FLRT3: variants seen among roughly 807,000 people sequenced by gnomAD.
The protein encoded by FLRT3 is leucine-rich repeat transmembrane protein FLRT3.
Under a neutral mutation model 42.6 loss-of-function variants are expected in FLRT3, and 17 were observed. The observed-to-expected ratio is 0.40, with a 90% confidence interval of 0.27 to 0.60. The LOEUF (loss-of-function observed/expected upper bound fraction) is 0.60, where lower values mean the gene tolerates loss of function less well. Ranked by LOEUF, FLRT3 falls within the 20% of genes least tolerant of loss-of-function variation. The pLI is 0.44. For synonymous variants in FLRT3, 279 were observed against 286.4 expected, an observed-to-expected ratio of 0.97 and a Z score of 0.26; for missense variants, 635 against 789.2, an observed-to-expected ratio of 0.80 and a Z score of 2.34.
chr20:14,327,522 G>A lies in FLRT3; in HGVS notation c.-16C>T, dbSNP rs544515202. 4 of 1,597,160 alleles carry A rather than the reference G, an allele frequency of 2.5e-6. No homozygotes were observed. Among genetic ancestry groups the A allele is most frequent in the Non-Finnish European group, 3.4e-6 (4 of 1,171,670 alleles). On this transcript the variant is annotated 5_prime_UTR_variant, in exon 3 of 3. Coordinates refer to ENST00000341420, the MANE Select transcript of FLRT3 (RefSeq NM_198391.3). Reference sequence around the variant, plus strand: ...CGCTGATCATGGTCAGCAGTGTTGAGGTCTTTATACAAGGTAGCTTCCGTT... The same window carrying A: ...CGCTGATCATGGTCAGCAGTGTTGAAGTCTTTATACAAGGTAGCTTCCGTT...
At position 14,325,774 on chromosome 20, in the gene FLRT3, G is replaced by C. The variant is rs1335041268; in HGVS notation, c.1733C>G (p.Ala578Gly). Residue 578 changes from alanine (A) to glycine (G), a missense_variant, in exon 3 of 3, where the codon GCT (alanine) becomes GGT (glycine). Coordinates refer to ENST00000341420, the MANE Select transcript of FLRT3 (RefSeq NM_198391.3). ...GRRRKDDYAE[A>G]GTKKDNSILE... ...GATAGAGTTGTCCTTCTTAGTGCCA[G>C]CTTCTGCATAGTCATCCTTTCTTCT... 5.0e-6 allele frequency: 8 copies of C among 1,613,774 alleles called. No homozygotes were observed. The highest frequency in any genetic ancestry group is 6.8e-6 in the Non-Finnish European group (8 of 1,179,876).
Position 14,325,965 on chromosome 20 carries a change from A to G in FLRT3, c.1542T>C (p.Asn514=). 6.2e-7 allele frequency: 1 copy of G among 1,613,816 alleles called. No homozygotes were observed. Among genetic ancestry groups the G allele is most frequent in the Non-Finnish European group, 8.5e-7 (1 of 1,179,830 alleles). ...LRMYNPTTTL[N]REQEKEPYKN... ...TGTAAGGTTCTTTCTCTTGCTCTCG[A>G]TTGAGGGTGGTTGTAGGGTTGTACA... is the stretch of plus-strand genomic sequence containing the variant. The change falls in exon 3 of 3, where the codon AAT becomes AAC. Residue 514 remains asparagine (N), a synonymous_variant. Coordinates refer to ENST00000341420, the MANE Select transcript of FLRT3 (RefSeq NM_198391.3).
At position 14,325,639 on chromosome 20, in the gene FLRT3, T is replaced by C; in HGVS notation, c.1868A>G (p.Tyr623Cys). 4.3e-6 allele frequency: 7 copies of C among 1,613,782 alleles called. No individual in the cohort carries two copies. The highest frequency in any genetic ancestry group is 5.9e-6 in the Non-Finnish European group (7 of 1,179,752). ...TIFPPNGMNL[Y>C]KNNHSESSSN... ...ACTGCTTTCACTGTGATTGTTTTTG[T>C]ACAGATTCATTCCATTAGGAGGAAA... The change falls in exon 3 of 3, where the codon TAC (tyrosine) becomes TGC (cysteine). Residue 623 changes from tyrosine (Y) to cysteine (C), a missense_variant. Physicochemically the swap from Tyr to Cys is radical, Grantham distance 194. Transcript: ENST00000341420.
In FLRT3 at chr20:14,327,233, G is replaced by C. The variant is rs2082751050; in HGVS notation, c.274C>G (p.His92Asp). 6.2e-7 allele frequency: 1 copy of C among 1,613,644 alleles called. No homozygotes were observed. Reference protein sequence around the residue: ...LLKVERIYLYHNSLDEFPTNL... With the variant: ...LLKVERIYLYDNSLDEFPTNL... ...GTAGGAAATTCATCTAAACTGTTGTGGTATAGGTATATTCTTTCTACTTTC... is the reference window on the plus strand; with the variant it reads ...GTAGGAAATTCATCTAAACTGTTGTCGTATAGGTATATTCTTTCTACTTTC... Residue 92 changes from histidine to aspartate, a missense_variant, in exon 3 of 3, where the codon CAC becomes GAC. His to Asp is a moderately conservative substitution (Grantham distance 81, BLOSUM62 -1). Transcript: ENST00000341420.
At chr20:14,330,992 T>G (rs987145887) in intron 1 of FLRT3, among the ~76,000 whole-genome samples, 1 of 152,112 alleles carries the variant, frequency 6.6e-6, no homozygotes, top group African/African-American at 2.4e-5. Flanking sequence ...TTAAATTGCA[T>G]TAGAAACTAA....
rs1936228350 is a variant in FLRT3, at chr20:14,324,121, C to A, written c.*1436G>T. The A allele has an allele frequency of 6.6e-6, 1 of 152,490 alleles. No individual in the cohort carries two copies. Among genetic ancestry groups the A allele is most frequent in the East Asian group, 1.9e-4 (1 of 5,198 alleles). 9.4% of individuals were successfully genotyped at this position (152,490 alleles called of 1,614,324 possible). A position where few individuals can be genotyped will look rare whatever the true frequency, so the allele number is the denominator to read the frequency against. On this transcript the variant is annotated 3_prime_UTR_variant, in exon 3 of 3. Coordinates refer to ENST00000341420, the MANE Select transcript of FLRT3 (RefSeq NM_198391.3). Reference sequence around the variant, plus strand: ...TAACACAATCCTGAAAAAGCAAGCACAATTATTCTGTACTTTTTAAAAGTT... The same window carrying A: ...TAACACAATCCTGAAAAAGCAAGCAAAATTATTCTGTACTTTTTAAAAGTT...
intron 1 of FLRT3, among the ~76,000 whole-genome samples, chr20:14,330,827 C>T (rs551917254): frequency 1.3e-5 from 2 of 152,080 alleles, no homozygotes; most frequent in South Asian, 2.1e-4. Flanking sequence ...AAAACTGTTG[C>T]TTTCTCAGTG....
intron 1 of FLRT3, among the ~76,000 whole-genome samples, chr20:14,336,207 A>G (rs989939060): frequency 6.6e-6 from 1 of 152,170 alleles, no homozygotes; most frequent in Non-Finnish European, 1.5e-5. Flanking sequence ...TTGTTTCTGG[A>G]TAATAAAATA....
intron 2 of FLRT3, among the ~76,000 whole-genome samples, chr20:14,328,698 C>T (rs1267903674): frequency 1.3e-5 from 2 of 151,948 alleles, no homozygotes; most frequent in African/African-American, 4.8e-5. Context: ...TGTTCTTCAC[C>T]GTTTATTCAA....
At chr20:14,336,456 A>T (rs1340750753) in intron 1 of FLRT3, among the ~76,000 whole-genome samples, 1 of 152,204 alleles carries the variant, frequency 6.6e-6, no homozygotes, top group Non-Finnish European at 1.5e-5. Context: ...GACCTAATTC[A>T]GTGAACAAAA....
At chr20:14,333,300 C>T (rs771585767) in intron 1 of FLRT3, among the ~76,000 whole-genome samples, 9 of 152,096 alleles carry the variant, frequency 5.9e-5, no homozygotes, top group Non-Finnish European at 1.3e-4. Flanking sequence ...TTCCCCGGTA[C>T]GTTTCTGACA....
rs2082733044 is a variant in FLRT3, at chr20:14,326,263, A to G, written c.1244T>C (p.Val415Ala). The change falls in exon 3 of 3, where the codon GTG becomes GCG. Residue 415 changes from valine (V) to alanine (A), a missense_variant. By Grantham distance (64) the Val-to-Ala change is moderately conservative. Coordinates refer to ENST00000341420, the MANE Select transcript of FLRT3 (RefSeq NM_198391.3). This position sits in a 1 kb window ranked among gnomAD's most constrained non-coding sequence, Gnocchi z 5.5. ...AATGGTATCAGAGGTGACAGACTTC[A>G]CAGTAATTGTAATTGTTTTTCTTGA... ...SPSRKTITIT[V>A]KSVTSDTIHI... is the part of the protein sequence containing the mutation. 1 of 1,613,828 alleles carries G rather than the reference A, an allele frequency of 6.2e-7. No homozygotes were observed. Among genetic ancestry groups the G allele is most frequent in the African/African-American group, 1.3e-5 (1 of 74,910 alleles).
intron 2 of FLRT3, among the ~76,000 whole-genome samples, chr20:14,328,513 G>C (rs1265596509): frequency 6.6e-6 from 1 of 152,026 alleles, no homozygotes; most frequent in Non-Finnish European, 1.5e-5. Context: ...AGTCTCTTCT[G>C]TCCTTTTAAG....
At position 14,326,840 on chromosome 20, in the gene FLRT3, T is replaced by G. The variant is rs749996521; in HGVS notation, c.667A>C (p.Asn223His). 7 of 1,613,738 alleles carry G rather than the reference T, an allele frequency of 4.3e-6. No individual in the cohort carries two copies. The South Asian group carries it at 5.5e-5, about 13-fold the overall frequency. ...NHGLGDKVFF[N>H]LVNLTELSLV... The stretch of plus-strand genomic sequence containing the variant: ...GACAGCTCTGTCAAATTAACTAGGT[T>G]GAAGAAAACTTTGTCACCTAAACCA... Residue 223 changes from asparagine (N) to histidine (H), a missense_variant, in exon 3 of 3, where the codon AAC becomes CAC. By Grantham distance (68) the Asn-to-His change is moderately conservative. Transcript: ENST00000341420. This position sits in a 1 kb window ranked among gnomAD's most constrained non-coding sequence, Gnocchi z 5.5.
At chr20:14,333,898 G>A (rs749969297) in intron 1 of FLRT3, among the ~76,000 whole-genome samples, 3 of 152,162 alleles carry the variant, frequency 2.0e-5, no homozygotes, top group Non-Finnish European at 4.4e-5. Context: ...TTAACCAAAT[G>A]TGGTCTGTGG....
In FLRT3 at chr20:14,323,323, A is replaced by G. The variant is rs1318539370; in HGVS notation, c.*2234T>C. The stretch of plus-strand genomic sequence containing the variant: ...AAGGAAACAGATTTACTGACGTATT[A>G]TAAAGGATGTTACAAAGGATCCAGA... On this transcript the variant is annotated 3_prime_UTR_variant, in exon 3 of 3. Transcript: ENST00000341420. 2.6e-5 allele frequency: 4 copies of G among 152,190 alleles called. No homozygotes were observed. The highest frequency in any genetic ancestry group is 2.9e-5 in the Non-Finnish European group (2 of 68,040). The allele number at this position is 152,190 out of a possible 1,614,324, so 9.4% of individuals were successfully genotyped here. A position where few individuals can be genotyped will look rare whatever the true frequency, so the allele number is the denominator to read the frequency against.
At position 14,323,604 on chromosome 20, in the gene FLRT3, C is replaced by A. The variant is rs1042049008; in HGVS notation, c.*1953G>T. On this transcript the variant is annotated 3_prime_UTR_variant, in exon 3 of 3. Coordinates refer to ENST00000341420, the MANE Select transcript of FLRT3 (RefSeq NM_198391.3). Reference sequence around the variant, plus strand: ...GGGTTGTAAGTCCCAACCCTATAATCATGTCTTGGTCTTTTCAATGATCAG... The same window carrying A: ...GGGTTGTAAGTCCCAACCCTATAATAATGTCTTGGTCTTTTCAATGATCAG... The A allele has an allele frequency of 2.0e-5, 3 of 152,190 alleles. No homozygotes were observed. The highest frequency in any genetic ancestry group is 4.4e-5 in the Non-Finnish European group (3 of 68,048). 9.4% of individuals were successfully genotyped at this position (152,190 alleles called of 1,614,324 possible). A position where few individuals can be genotyped will look rare whatever the true frequency, so the allele number is the denominator to read the frequency against.
rs1209873649 is a variant in FLRT3, at chr20:14,325,489, G to C, written c.*68C>G. 2 of 1,486,124 alleles carry C rather than the reference G, an allele frequency of 1.3e-6. No homozygotes were observed. Among genetic ancestry groups the C allele is most frequent in the East Asian group, 2.3e-5 (1 of 43,994 alleles). The allele number at this position is 1,486,124 out of a possible 1,614,324, so 92.1% of individuals were successfully genotyped here. On this transcript the variant is annotated 3_prime_UTR_variant, in exon 3 of 3. Transcript: ENST00000341420. ...TTTCCAGTGTTTTGCAGTAGAACAG[G>C]GTTCCTACCATCACCTCCCTTAGGT...
In FLRT3 at chr20:14,325,444, T is replaced by C; in HGVS notation, c.*113A>G. The C allele has an allele frequency of 9.7e-6, 11 of 1,135,860 alleles. No individual in the cohort carries two copies. In the South Asian group the frequency reaches 1.6e-4, roughly 16 times the overall value. 70.4% of individuals were successfully genotyped at this position (1,135,860 alleles called of 1,614,324 possible). A position where few individuals can be genotyped will look rare whatever the true frequency, so the allele number is the denominator to read the frequency against. On this transcript the variant is annotated 3_prime_UTR_variant, in exon 3 of 3. Coordinates refer to ENST00000341420, the MANE Select transcript of FLRT3 (RefSeq NM_198391.3). ...AATTATATGGCAAATGTACAGTACA[T>C]TGCTTTTTTTCAGTCTCTTTTTCCA...
Sources: allele counts gnomAD v4.1 joint callset (sites outside exome capture counted in the v4.1 genomes callset), GRCh38; gene constraint gnomAD v4.1.1; non-coding constraint Gnocchi (gnomAD v3.1); transcripts MANE v1.5; gene names NCBI Gene and HGNC (gene_info 2026-07-23, HGNC 2026-07-21).